PCDHGB5: variants seen among roughly 807,000 people sequenced by gnomAD.
PCDHGB5 encodes the protein protocadherin gamma-B5.
A neutral mutation model predicts 62.9 loss-of-function variants in PCDHGB5; 48 were observed. The observed-to-expected ratio is 0.76, with a 90% confidence interval of 0.61 to 0.97. The LOEUF is 0.97. Among genes scored for constraint, PCDHGB5 ranks in the 50% least tolerant of loss-of-function variants. The pLI is 0.00. For missense variants in PCDHGB5, 1,118 were observed against 1,198.6 expected (o/e 0.93, Z 0.99); for synonymous variants, 474 against 511.2 (o/e 0.93, Z 0.98).
At chr5:141,467,060 T>C (rs1304506319) in intron 1 of PCDHGB5, among the ~76,000 whole-genome samples, 1 of 151,520 alleles carries the variant, frequency 6.6e-6, no homozygotes, top group Non-Finnish European at 1.5e-5. Context: ...GTTTTCTTTT[T>C]TTTTTTTTTT....
rs2099621975 is a variant in PCDHGB5 at position 141,485,946 on chromosome 5, G to A, written c.2398-8861G>A. ...AGTGTGTTGGAGAGCGCACCAGCGG[G>A]CATGGTGCTCATCCAGCTCAATGCC... On this transcript the variant is annotated intron_variant, in intron 1 of 3. Transcript: ENST00000617380. This position sits in a 1 kb window ranked among gnomAD's most constrained non-coding sequence, Gnocchi z 5.7. The A allele has an allele frequency of 1.2e-6, 2 of 1,614,040 alleles. No homozygotes were observed. The highest frequency in any genetic ancestry group is 2.2e-5 in the East Asian group (1 of 44,884).
At chr5:141,420,713 G>T (rs1406572601) in intron 1 of PCDHGB5, among the ~76,000 whole-genome samples, 1 of 152,078 alleles carries the variant, frequency 6.6e-6, no homozygotes, top group African/African-American at 2.4e-5. Flanking sequence ...CAGAAATGTC[G>T]TTCCTTTCAG....
intron 1 of PCDHGB5, among the ~76,000 whole-genome samples, chr5:141,449,081 C>T (rs2098627623): frequency 6.6e-6 from 1 of 152,180 alleles, no homozygotes; most frequent in South Asian, 2.1e-4. Flanking sequence ...CCTGTACCTA[C>T]ATCAGTTTTT....
chr5:141,434,261 G>A (rs1269166732), intron 1 of PCDHGB5, among the ~76,000 whole-genome samples: 2 of 152,194 alleles, frequency 1.3e-5, no homozygotes. Context: ...TTGTGGGGGA[G>A]GTGGAAATTA....
intron 1 of PCDHGB5, chr5:141,409,914 G>C: frequency 6.2e-7 from 1 of 1,613,348 alleles, no homozygotes; most frequent in East Asian, 2.2e-5. Context: ...GGTCCTGACG[G>C]CTCCGCGTTC....
At chr5:141,434,609 G>A (rs189866750) in intron 1 of PCDHGB5, among the ~76,000 whole-genome samples, 11 of 152,064 alleles carry the variant, frequency 7.2e-5, no homozygotes, top group Non-Finnish European at 1.3e-4. Context: ...CTTTATTTCC[G>A]CCCATCTCTT....
intron 1 of PCDHGB5, among the ~76,000 whole-genome samples, chr5:141,439,459 A>ACTG (rs1234039449): frequency 6.6e-6 from 1 of 152,222 alleles, no homozygotes; most frequent in Non-Finnish European, 1.5e-5. Flanking sequence ...GCAAGACTGC[A>ACTG]CTGCTGCCTT....
chr5:141,431,774 G>T lies in PCDHGB5; in HGVS notation c.2397+31250G>T. Reference sequence around the variant, plus strand: ...AGCCAAAGTCCTGATCACTGTTCTGGACGTGAACGACAATGCCCCAGAAGT... The same window carrying T: ...AGCCAAAGTCCTGATCACTGTTCTGTACGTGAACGACAATGCCCCAGAAGT... On this transcript the variant is annotated intron_variant, in intron 1 of 3. Transcript: ENST00000617380. This position sits in a 1 kb window ranked among gnomAD's most constrained non-coding sequence, Gnocchi z 4.8. 5 of 1,614,204 alleles carry T rather than the reference G, an allele frequency of 3.1e-6. No individual in the cohort carries two copies. The highest frequency in any genetic ancestry group is 4.2e-6 in the Non-Finnish European group (5 of 1,180,038).
chr5:141,421,834 CGA>C lies in PCDHGB5; in HGVS notation c.2397+21315_2397+21316del, dbSNP rs763631483. The C allele has an allele frequency of 2.1e-5, 34 of 1,613,630 alleles. No homozygotes were observed. The Admixed American group carries it at 5.5e-4, about 26-fold the overall frequency. ...GCTAGTACTGGAGGGAAGCCTGGAC[CGA>C]GAGAAAGAGGCTGCTCACCTGCTCC... On this transcript the variant is annotated intron_variant, in intron 1 of 3. Transcript: ENST00000617380.
chr5:141,408,219 C>T (rs560438654), intron 1 of PCDHGB5: 4 of 1,557,930 alleles, frequency 2.6e-6, no homozygotes, highest in East Asian at 4.8e-5. Flanking sequence ...GGGAGCTGCG[C>T]GCAGAGGCGC....
At chr5:141,427,480 A>G in intron 1 of PCDHGB5, 1 of 531,758 alleles carries the variant, frequency 1.9e-6, no homozygotes, top group South Asian at 1.5e-5. Context: ...GCCAATAATG[A>G]CTATAAGCTT....
chr5:141,412,940 T>C, intron 1 of PCDHGB5: 1 of 463,218 alleles, frequency 2.2e-6, no homozygotes, highest in Non-Finnish European at 3.8e-6. Flanking sequence ...CTTAGGACTC[T>C]GAGCGCCGCT....
At chr5:141,473,501 G>C (rs1053399138) in intron 1 of PCDHGB5, among the ~76,000 whole-genome samples, 7 of 152,188 alleles carry the variant, frequency 4.6e-5, no homozygotes, top group African/African-American at 1.7e-4. Context: ...GGTGTTCTGA[G>C]AGAGCATAAC....
intron 1 of PCDHGB5, among the ~76,000 whole-genome samples, chr5:141,492,084 G>C (rs979755390): frequency 2.0e-5 from 3 of 152,236 alleles, no homozygotes; most frequent in African/African-American, 7.2e-5. Flanking sequence ...GCTCCGGCAC[G>C]CTTCGCCGGT....
At chr5:141,420,314 A>C (rs1454977890) in intron 1 of PCDHGB5, 1 of 1,442,690 alleles carries the variant, frequency 6.9e-7, no homozygotes. Flanking sequence ...TTTATATTAC[A>C]ATATGCCAAT....
chr5:141,419,012 A>C (rs1422133011), intron 1 of PCDHGB5: 1 of 1,613,986 alleles, frequency 6.2e-7, no homozygotes. Context: ...AGTCAGGTGT[A>C]GCTTAAGTAG....
At position 141,485,632 on chromosome 5, in the gene PCDHGB5, G is replaced by C; in HGVS notation, c.2398-9175G>C. 6.2e-7 allele frequency: 1 copy of C among 1,611,766 alleles called. No individual in the cohort carries two copies. The highest frequency in any genetic ancestry group is 8.5e-7 in the Non-Finnish European group (1 of 1,178,342). ...CAGCTCCTCCAGGACAGCGTTTCCC[G>C]TTGGAAAAGGCTCAGGATGCAGATG... is the stretch of plus-strand genomic sequence containing the variant. On this transcript the variant is annotated intron_variant, in intron 1 of 3. Coordinates refer to ENST00000617380, the MANE Select transcript of PCDHGB5 (RefSeq NM_018925.3). This position sits in a 1 kb window ranked among gnomAD's most constrained non-coding sequence, Gnocchi z 5.7.
intron 1 of PCDHGB5, chr5:141,420,084 A>G (rs1454284559): frequency 2.5e-6 from 4 of 1,613,890 alleles, no homozygotes; most frequent in African/African-American, 1.3e-5. Context: ...GGTCCCCCCA[A>G]CTACAGTGAG....
At chr5:141,421,994 T>A (rs765586654) in intron 1 of PCDHGB5, 3 of 1,608,922 alleles carry the variant, frequency 1.9e-6, no homozygotes, top group Non-Finnish European at 2.5e-6. Flanking sequence ...CCAGAAAACA[T>A]CAGCTCCGGA....
Sources: allele counts gnomAD v4.1 joint callset (sites outside exome capture counted in the v4.1 genomes callset), GRCh38; gene constraint gnomAD v4.1.1; non-coding constraint Gnocchi (gnomAD v3.1); transcripts MANE v1.5; gene names NCBI Gene and HGNC (gene_info 2026-07-23, HGNC 2026-07-21).